ADAMTSL1: variants seen among roughly 807,000 people sequenced by gnomAD.
ADAMTSL1 encodes ADAMTS like 1.
ADAMTSL1 carries 126 observed loss-of-function variants against 201.8 expected under a neutral mutation model. The ratio of observed to expected loss-of-function variants is 0.62; its 90% CI spans 0.54 to 0.72. The LOEUF is 0.72. Ranked by LOEUF, ADAMTSL1 falls within the 30% of genes least tolerant of loss-of-function variation. ADAMTSL1 has a pLI of 0.00. For synonymous variants in ADAMTSL1, 1,121 were observed against 903.4 expected (o/e 1.24, Z -4.32); for missense variants, 2,679 against 2,277.8 (o/e 1.18, Z -3.59).
At chr9:18,398,553 G>T (rs1001660251) in intron 2 of ADAMTSL1, among the ~76,000 whole-genome samples, 1 of 152,166 alleles carries the variant, frequency 6.6e-6, no homozygotes, top group African/African-American at 2.4e-5. Context: ...GGGATAAGGA[G>T]ATTTAACTTT....
intron 1 of ADAMTSL1, among the ~76,000 whole-genome samples, chr9:18,017,714 A>C (rs948105176): frequency 2.0e-5 from 3 of 152,048 alleles, no homozygotes; most frequent in African/African-American, 4.8e-5. Flanking sequence ...TGAACTGGCT[A>C]CGTTTCAATT....
intron 1 of ADAMTSL1, among the ~76,000 whole-genome samples, chr9:18,124,089 T>G (rs1320629545): frequency 1.4e-5 from 2 of 145,202 alleles, no homozygotes; most frequent in African/African-American, 5.1e-5. Context: ...TTTTTTTTTT[T>G]TTTTTTTTTT....
At chr9:18,478,085 A>G (rs1015927351) in intron 1 of ADAMTSL1, among the ~76,000 whole-genome samples, 1 of 152,176 alleles carries the variant, frequency 6.6e-6, no homozygotes, top group Non-Finnish European at 1.5e-5. Context: ...GTATGTATAA[A>G]TTGGAAAGCA....
chr9:17,991,104 T>G (rs1324624624), intron 1 of ADAMTSL1, among the ~76,000 whole-genome samples: 2 of 152,180 alleles, frequency 1.3e-5, no homozygotes, highest in African/African-American at 2.4e-5. Flanking sequence ...AATTCCTATG[T>G]AGATATCCTT....
At chr9:18,379,594 C>T (rs796530678) in intron 2 of ADAMTSL1, among the ~76,000 whole-genome samples, 11 of 152,246 alleles carry the variant, frequency 7.2e-5, no homozygotes, top group African/African-American at 2.6e-4. Context: ...AGCTGAAGGA[C>T]CAGGACAGGC....
At chr9:18,123,801 C>T (rs1383162189) in intron 1 of ADAMTSL1, among the ~76,000 whole-genome samples, 2 of 152,294 alleles carry the variant, frequency 1.3e-5, no homozygotes, top group Admixed American at 1.3e-4. Flanking sequence ...TAATCTATTT[C>T]ATATCTCTGG....
intron 13 of ADAMTSL1, among the ~76,000 whole-genome samples, chr9:18,700,364 G>C (rs556277314): frequency 1.5e-3 from 229 of 152,132 alleles, no homozygotes; most frequent in African/African-American, 5.4e-3. Context: ...TTTTACACGA[G>C]ATCTTCTCAT....
chr9:18,261,017 T>C (rs1478731177), intron 2 of ADAMTSL1, among the ~76,000 whole-genome samples: 3 of 145,578 alleles, frequency 2.1e-5, no homozygotes, highest in Non-Finnish European at 3.0e-5. Context: ...TTTTTCTTTT[T>C]TTTTTTTTTT....
chr9:18,797,874 C>T (rs2131061603), intron 20 of ADAMTSL1, among the ~76,000 whole-genome samples: 1 of 152,294 alleles, frequency 6.6e-6, no homozygotes. Flanking sequence ...TAGAGTGAAA[C>T]AACCTGAAAA....
At chr9:18,562,377 A>G (rs994435996) in intron 3 of ADAMTSL1, among the ~76,000 whole-genome samples, 3 of 152,190 alleles carry the variant, frequency 2.0e-5, no homozygotes, top group African/African-American at 7.2e-5. Flanking sequence ...GGGTTTCTGC[A>G]GAGAGATCTG....
intron 1 of ADAMTSL1, among the ~76,000 whole-genome samples, chr9:18,018,445 T>C (rs1820347555): frequency 6.6e-6 from 1 of 152,084 alleles, no homozygotes; most frequent in Non-Finnish European, 1.5e-5. Context: ...AGTAATTCCC[T>C]CTAATAGACT....
At chr9:18,767,504 G>A (rs763400915) in intron 16 of ADAMTSL1, among the ~76,000 whole-genome samples, 49 of 152,296 alleles carry the variant, frequency 3.2e-4, no homozygotes, top group Middle Eastern at 6.8e-3. Flanking sequence ...TTTGACAGCA[G>A]TAAGAGAAGG....
intron 10 of ADAMTSL1, 69 bp downstream of exon 10, chr9:18,675,976 G>A: frequency 7.6e-7 from 1 of 1,311,300 alleles, no homozygotes. Context: ...TATATATATA[G>A]AGATATACAT....
chr9:18,356,841 A>G (rs895195485), intron 2 of ADAMTSL1, among the ~76,000 whole-genome samples: 7 of 152,218 alleles, frequency 4.6e-5, no homozygotes, highest in African/African-American at 1.7e-4. Flanking sequence ...CCATTAATTC[A>G]TGTTCTAAGA....
At chr9:18,850,309 A>C (rs1826409500) in intron 23 of ADAMTSL1, among the ~76,000 whole-genome samples, 4 of 152,238 alleles carry the variant, frequency 2.6e-5, no homozygotes, top group Admixed American at 2.0e-4. Flanking sequence ...AAAGTCCATC[A>C]GTGGGAAAAC....
At chr9:18,517,745 G>A (rs1389790310) in intron 2 of ADAMTSL1, among the ~76,000 whole-genome samples, 3 of 151,998 alleles carry the variant, frequency 2.0e-5, no homozygotes, top group African/African-American at 7.2e-5. Context: ...CATTTTTTAT[G>A]GCTGCATAGT....
intron 1 of ADAMTSL1, among the ~76,000 whole-genome samples, chr9:17,961,834 G>A (rs1419003033): frequency 6.6e-6 from 1 of 152,092 alleles, no homozygotes; most frequent in Non-Finnish European, 1.5e-5. Flanking sequence ...GCAGCATGGT[G>A]TGGTCACCAC....
chr9:18,083,947 C>G (rs1823628387), intron 1 of ADAMTSL1, among the ~76,000 whole-genome samples: 1 of 152,128 alleles, frequency 6.6e-6, no homozygotes, highest in Non-Finnish European at 1.5e-5. Flanking sequence ...TCTCTGTACT[C>G]TGGATGAGAG....
At chr9:18,144,551 AT>A (rs1161124154) in intron 1 of ADAMTSL1, among the ~76,000 whole-genome samples, 3 of 152,072 alleles carry the variant, frequency 2.0e-5, no homozygotes, top group Admixed American at 6.6e-5. Context: ...CATATGTAAA[AT>A]TGGCTATTTA....
Sources: allele counts gnomAD v4.1 joint callset (sites outside exome capture counted in the v4.1 genomes callset), GRCh38; gene constraint gnomAD v4.1.1; transcripts MANE v1.5; gene names NCBI Gene and HGNC (gene_info 2026-07-23, HGNC 2026-07-21).